The following AZU1 variants were observed in gnomAD, a reference collection of about 807,000 sequenced individuals.
AZU1 encodes the protein azurocidin.
In AZU1, 21 loss-of-function variants were observed where a neutral mutation model predicts 17.8. The observed-to-expected ratio is 1.18, with a 90% CI of 0.84 to 1.70. The LOEUF (loss-of-function observed/expected upper bound fraction) is 1.70. Among genes scored for constraint, AZU1 ranks in the 40% most tolerant of loss-of-function variants. The pLI, the probability that AZU1 is intolerant of heterozygous loss-of-function variation, is 0.00. For missense variants in AZU1, 379 were observed against 362.9 expected, an observed-to-expected ratio of 1.04 and a Z score of -0.36; for synonymous variants, 178 against 155.2, an observed-to-expected ratio of 1.15 and a Z score of -1.09.
At chr19:829,733 C>T (rs2035263830) in intron 3 of AZU1, 27 bp downstream of exon 3, 1 of 1,604,850 alleles carries the variant, frequency 6.2e-7, no homozygotes, top group Non-Finnish European at 8.5e-7. Context: ...ACCTGTGATC[C>T]CAGCACCTCG....
At chr19:831,659 TG>T in intron 4 of AZU1, 56 bp from the exon 5 acceptor site, 3 of 1,506,646 alleles carry the variant, frequency 2.0e-6, no homozygotes, top group Non-Finnish European at 2.7e-6. Flanking sequence ...TCTGCAGTTC[TG>T]GGGTGGCGTG....
chr19:828,405 G>T lies in AZU1; in HGVS notation c.215+19G>T. On this transcript the variant is annotated intron_variant, in intron 2 of 4. Coordinates refer to ENST00000233997, the MANE Select transcript of AZU1 (RefSeq NM_001700.5). ...AAAGCCAGTGAGGGGTCCTGGGGAG[G>T]GGGCCTAGGGGGCATTGGGGCTCAG... is the stretch of plus-strand genomic sequence containing the variant. The T allele has an allele frequency of 2.0e-6, 3 of 1,531,778 alleles. No homozygotes were observed. Among genetic ancestry groups the T allele is most frequent in the Non-Finnish European group, 2.6e-6 (3 of 1,139,196 alleles). The allele number at this position is 1,531,778 out of a possible 1,614,324, so 94.9% of individuals were successfully genotyped here.
At chr19:829,227 C>T (rs112680552) in intron 2 of AZU1, among the ~76,000 whole-genome samples, 1 of 19,038 alleles carries the variant, frequency 5.3e-5, no homozygotes. Flanking sequence ...TGGGGGAGGC[C>T]CAGATAAGGG....
At chr19:828,148 GAGCTGAGGCTGC>G in intron 1 of AZU1, 70 bp from the exon 2 acceptor site, 1 of 1,475,324 alleles carries the variant, frequency 6.8e-7, no homozygotes. Context: ...TGGGTGGATA[GAGCTGAGGCTGC>G]AGCTTCACAC....
Position 827,886 on chromosome 19 carries a change from C to T in AZU1, c.40C>T (p.Leu14=), listed in dbSNP as rs900081651. 1.3e-6 allele frequency: 2 copies of T among 1,537,318 alleles called. No homozygotes were observed. Among genetic ancestry groups the T allele is most frequent in the Non-Finnish European group, 1.7e-6 (2 of 1,147,422 alleles). The part of the protein sequence containing the change: ...LTVLALLAGL[L]ASSRAGSSPL... ...AGTCCTGGCCCTGCTGGCTGGTCTGCTGGCGTCCTCGAGGGCCGGTGAGTG... is the reference window on the plus strand; with the variant it reads ...AGTCCTGGCCCTGCTGGCTGGTCTGTTGGCGTCCTCGAGGGCCGGTGAGTG... The change falls in exon 1 of 5, where the codon CTG becomes TTG. Residue 14 remains leucine (L), a synonymous_variant. Coordinates refer to ENST00000233997, the MANE Select transcript of AZU1 (RefSeq NM_001700.5).
intron 3 of AZU1, among the ~76,000 whole-genome samples, chr19:830,248 A>G (rs1230728159): frequency 1.3e-5 from 2 of 152,118 alleles, no homozygotes; most frequent in Non-Finnish European, 2.9e-5. Context: ...TAACAGAGCC[A>G]GACCCTATCT....
rs763793172 is a variant in AZU1, at chr19:830,787, C to G, written c.440C>G (p.Thr147Ser). The G allele has an allele frequency of 6.2e-7, 1 of 1,605,900 alleles. No individual in the cohort carries two copies. Among genetic ancestry groups the G allele is most frequent in the East Asian group, 2.2e-5 (1 of 44,882 alleles). Reference sequence around the variant, plus strand: ...CAGAACGCCACGGTGGAAGCCGGCACCAGATGCCAGGTGGCCGGCTGGGGG... The same window carrying G: ...CAGAACGCCACGGTGGAAGCCGGCAGCAGATGCCAGGTGGCCGGCTGGGGG... ...PLQNATVEAGTRCQVAGWGSQ... is the reference protein window; with the variant it reads ...PLQNATVEAGSRCQVAGWGSQ... Residue 147 changes from threonine (T) to serine (S), a missense_variant, in exon 4 of 5, where the codon ACC becomes AGC. Transcript: ENST00000233997.
chr19:830,677 C>T (rs766294858), intron 3 of AZU1, 31 bp from the exon 4 acceptor site: 1 of 1,517,460 alleles, frequency 6.6e-7, no homozygotes, highest in Non-Finnish European at 8.8e-7. Context: ...TCCCCAGGGC[C>T]ACCCTCCCCT....
intron 4 of AZU1, chr19:831,456 C>T (rs767039166): frequency 2.4e-4 from 117 of 493,616 alleles, no homozygotes; most frequent in South Asian, 5.0e-4. Context: ...ATGGTAGAGC[C>T]GGTCACTGAG....
intron 1 of AZU1, 25 bp from the exon 2 acceptor site, chr19:828,205 T>C: frequency 1.3e-6 from 2 of 1,576,138 alleles, no homozygotes; most frequent in Non-Finnish European, 1.7e-6. Context: ...CTTGGGGATC[T>C]CAGAGCTGTC....
At chr19:829,886 C>T (rs1012305965) in intron 3 of AZU1, among the ~76,000 whole-genome samples, 180 bp downstream of exon 3, 22 of 151,448 alleles carry the variant, frequency 1.5e-4, no homozygotes, top group African/African-American at 2.9e-4. Flanking sequence ...GTCAGGAGTT[C>T]GAGACCAGCC....
At chr19:828,120 G>GT in intron 1 of AZU1, 110 bp from the exon 2 acceptor site, 1 of 1,362,722 alleles carries the variant, frequency 7.3e-7, no homozygotes, top group African/African-American at 1.4e-5. Context: ...GGGAGGGTGG[G>GT]TCCCCCCGCA....
intron 3 of AZU1, 103 bp from the exon 4 acceptor site, chr19:830,605 C>T: frequency 9.6e-7 from 1 of 1,046,036 alleles, no homozygotes; most frequent in Non-Finnish European, 1.3e-6. Flanking sequence ...ACGCAAACCA[C>T]TTACAGACTA....
rs1460339233 is a variant in AZU1, at chr19:829,894, G to C, written c.360+188G>C. On this transcript the variant is annotated intron_variant, in intron 3 of 4. Coordinates refer to ENST00000233997, the MANE Select transcript of AZU1 (RefSeq NM_001700.5). Reference sequence around the variant, plus strand: ...GCTTGAGGTCAGGAGTTCGAGACCAGCCTGGGCAACATGGCCAAACTCAGT... The same window carrying C: ...GCTTGAGGTCAGGAGTTCGAGACCACCCTGGGCAACATGGCCAAACTCAGT... Among the ~76,000 whole-genome samples, 4 of 152,004 alleles carry C rather than the reference G, an allele frequency of 2.6e-5. No individual in the cohort carries two copies. In the East Asian group the frequency reaches 5.8e-4, roughly 22 times the overall value.
chr19:831,593 T>A lies in AZU1; in HGVS notation c.595-123T>A, dbSNP rs570622640. 3 of 1,134,904 alleles carry A rather than the reference T, an allele frequency of 2.6e-6. No individual in the cohort carries two copies. The Admixed American group carries it at 8.7e-5, about 33-fold the overall frequency. 70.3% of individuals were successfully genotyped at this position (1,134,904 alleles called of 1,614,324 possible). ...CCAGGGCAGAGAAAGAGAAGAGCCA[T>A]GCAAAGGCCCTGGGGCTGGATCAGG... On this transcript the variant is annotated intron_variant, in intron 4 of 4. Transcript: ENST00000233997.
At chr19:827,998 C>A in intron 1 of AZU1, 94 bp downstream of exon 1, 1 of 1,499,378 alleles carries the variant, frequency 6.7e-7, no homozygotes, top group Non-Finnish European at 8.9e-7. Context: ...AGGCAAGCGG[C>A]TTGGCCTGGG....
intron 1 of AZU1, 116 bp from the exon 2 acceptor site, chr19:828,114 G>C: frequency 7.5e-7 from 1 of 1,333,524 alleles, no homozygotes; most frequent in Non-Finnish European, 1.0e-6. Context: ...CGATGGGGGA[G>C]GGTGGGTCCC....
chr19:831,897 T>A lies in AZU1; in HGVS notation c.*20T>A, dbSNP rs1411613645. ...GCCTAGGGGGGCCTGTGACCTCCCA[T>A]GGAGCCCAGCCCCGCCCTCCACACC... On this transcript the variant is annotated 3_prime_UTR_variant, in exon 5 of 5. Transcript: ENST00000233997. 1 of 1,605,052 alleles carries A rather than the reference T, an allele frequency of 6.2e-7. No individual in the cohort carries two copies. The highest frequency in any genetic ancestry group is 2.2e-5 in the East Asian group (1 of 44,760).
At chr19:829,482 C>G (rs1476692820) in intron 2 of AZU1, 80 bp from the exon 3 acceptor site, 15 of 1,530,926 alleles carry the variant, frequency 9.8e-6, no homozygotes, top group East Asian at 2.3e-5. Context: ...TGGGATCCCC[C>G]CTAATTTGCA....
Sources: gnomAD v4.1 joint callset for allele counts (sites outside exome capture counted in the v4.1 genomes callset) on GRCh38, gnomAD v4.1.1 for gene constraint, MANE v1.5 for transcripts, NCBI Gene and HGNC (gene_info 2026-07-23, HGNC 2026-07-21) for gene names.